Variants in KCNG2 observed in about 807,000 individuals in gnomAD.
The protein encoded by KCNG2 is potassium voltage-gated channel modifier subfamily G member 2.
KCNG2 carries 7 observed loss-of-function variants against 12.3 expected under a neutral mutation model. The observed-to-expected ratio is 0.57, with a 90% CI of 0.32 to 1.07. The LOEUF is 1.07. Among genes scored for constraint, KCNG2 ranks in the 50% least tolerant of loss-of-function variants. The probability of loss-of-function intolerance (pLI) is 0.04; values close to 1 mark genes in which losing one functional copy is unlikely to be tolerated. For missense variants in KCNG2, 703 were observed against 726.0 expected (o/e 0.97, Z 0.36); for synonymous variants, 414 against 351.4 (o/e 1.18, Z -1.99).
chr18:79,844,521 T>A (rs990223755), intron 1 of KCNG2, among the ~76,000 whole-genome samples: 14 of 152,184 alleles, frequency 9.2e-5, no homozygotes, highest in African/African-American at 3.4e-4. Context: ...ATACTTGAAT[T>A]TTTCTAAGAC....
chr18:79,803,686 C>T lies in KCNG2; in HGVS notation c.-115+5672C>T, dbSNP rs1029056068. On this transcript the variant is annotated intron_variant, in intron 1 of 3. Transcript: ENST00000316249. This position sits in a 1 kb window ranked among gnomAD's most constrained non-coding sequence, Gnocchi z 4.5. Reference sequence around the variant, plus strand: ...ACGGAGGAGGCGTTTTCTCCCATCCCGCCCCAGCAGGGAGCCTGCCCTCCT... The same window carrying T: ...ACGGAGGAGGCGTTTTCTCCCATCCTGCCCCAGCAGGGAGCCTGCCCTCCT... 3.9e-5 allele frequency among the ~76,000 whole-genome samples: 6 copies of T among 152,168 alleles called. No homozygotes were observed. The highest frequency in any genetic ancestry group is 2.6e-4 in the Admixed American group (4 of 15,274).
rs774998244 is a variant in KCNG2 at position 79,899,090 on chromosome 18, C to T, written c.675C>T (p.Cys225=). The change falls in exon 4 of 4, where the codon TGC becomes TGT. Residue 225 remains cysteine (C), a synonymous_variant. Coordinates refer to ENST00000316249, the MANE Select transcript of KCNG2 (RefSeq NM_012283.2). Reference sequence around the variant, plus strand: ...GCCTGTTCGTGCTGGAGACCGTGTGCGTGGCCTGGTTCTCCTTCGAGTTCC... The same window carrying T: ...GCCTGTTCGTGCTGGAGACCGTGTGTGTGGCCTGGTTCTCCTTCGAGTTCC... ...CRSLFVLETV[C]VAWFSFEFLL... is the part of the protein sequence containing the mutation. 11 of 1,600,194 alleles carry T rather than the reference C, an allele frequency of 6.9e-6. No individual in the cohort carries two copies. The highest frequency in any genetic ancestry group is 8.5e-6 in the Non-Finnish European group (10 of 1,176,472).
intron 1 of KCNG2, among the ~76,000 whole-genome samples, chr18:79,851,788 T>C (rs1460073368): frequency 6.6e-6 from 1 of 151,896 alleles, no homozygotes; most frequent in Non-Finnish European, 1.5e-5. Context: ...TGTGTGAATG[T>C]GCATTGTGTG....
chr18:79,846,374 CAAA>C (rs11421957), intron 1 of KCNG2, among the ~76,000 whole-genome samples: 1 of 61,598 alleles, frequency 1.6e-5, no homozygotes, highest in East Asian at 5.7e-4. Context: ...GACTCCGTCT[CAAA>C]AAAAAAAAAA....
chr18:79,800,183 G>A lies in KCNG2; in HGVS notation c.-115+2169G>A, dbSNP rs1037059079. On this transcript the variant is annotated intron_variant, in intron 1 of 3. Coordinates refer to ENST00000316249, the MANE Select transcript of KCNG2 (RefSeq NM_012283.2). This position sits in a 1 kb window ranked among gnomAD's most constrained non-coding sequence, Gnocchi z 4.0. Reference sequence around the variant, plus strand: ...TGAAGGGAGCAGATGGGGCTGTGCCGACAGGCATGAGCTCTGGGGGCCGGG... The same window carrying A: ...TGAAGGGAGCAGATGGGGCTGTGCCAACAGGCATGAGCTCTGGGGGCCGGG... Among the ~76,000 whole-genome samples, 11 of 152,070 alleles carry A rather than the reference G, an allele frequency of 7.2e-5. No homozygotes were observed. Among genetic ancestry groups the A allele is most frequent in the South Asian group, 2.1e-4 (1 of 4,806 alleles).
chr18:79,825,622 C>T (rs1485133856), intron 1 of KCNG2, among the ~76,000 whole-genome samples: 3 of 152,156 alleles, frequency 2.0e-5, no homozygotes, highest in South Asian at 2.1e-4. Flanking sequence ...ACTGACGGGG[C>T]GCAAGCTTCA....
intron 3 of KCNG2, among the ~76,000 whole-genome samples, chr18:79,882,063 C>T (rs1201912322): frequency 1.3e-5 from 2 of 151,494 alleles, no homozygotes; most frequent in South Asian, 2.1e-4. Context: ...CAAGGTGGAC[C>T]GTGGCCCTAA....
At chr18:79,849,807 G>C (rs1978753651) in intron 1 of KCNG2, among the ~76,000 whole-genome samples, 1 of 152,224 alleles carries the variant, frequency 6.6e-6, no homozygotes, top group Non-Finnish European at 1.5e-5. Context: ...CAGCCTCTCT[G>C]AGAGCCCCCC....
At position 79,858,763 on chromosome 18, in the gene KCNG2, C is replaced by T. The variant is rs185548072; in HGVS notation, c.-41+2311C>T. ...TTTTTTTCCATTTGTTTGACTATAA[C>T]GACCCTAGTGGATGTGAAGTGGTAT... On this transcript the variant is annotated intron_variant, in intron 2 of 3. Coordinates refer to ENST00000316249, the MANE Select transcript of KCNG2 (RefSeq NM_012283.2). Among the ~76,000 whole-genome samples, 109 of 152,144 alleles carry T rather than the reference C, an allele frequency of 7.2e-4. 1 individual carries two copies. The highest frequency in any genetic ancestry group is 7.7e-4 in the East Asian group (4 of 5,192).
At chr18:79,804,918 A>C (rs2122988192) in intron 1 of KCNG2, among the ~76,000 whole-genome samples, 1 of 152,368 alleles carries the variant, frequency 6.6e-6, no homozygotes, top group East Asian at 1.9e-4. Flanking sequence ...ACATTAGGAT[A>C]GTTTCAATGT....
chr18:79,798,005 T>C lies in KCNG2; in HGVS notation c.-124T>C, dbSNP rs1259456645. ...AGCGGAGCCCGGAGCTCGCGGAGTC[T>C]GGACCGCAGGTAAAGTTGAGCGCGC... is the stretch of plus-strand genomic sequence containing the variant. On this transcript the variant is annotated 5_prime_UTR_variant, in exon 1 of 4. Coordinates refer to ENST00000316249, the MANE Select transcript of KCNG2 (RefSeq NM_012283.2). Among the ~76,000 whole-genome samples the C allele has an allele frequency of 7.3e-6, 1 of 137,556 alleles. No individual in the cohort carries two copies. Among genetic ancestry groups the C allele is most frequent in the Non-Finnish European group, 1.6e-5 (1 of 64,040 alleles). The allele number at this position is 137,556 out of a possible 152,430, so 90.2% of individuals were successfully genotyped here. A position where few individuals can be genotyped will look rare whatever the true frequency, so the allele number is the denominator to read the frequency against.
chr18:79,869,545 C>G (rs1273401063), intron 3 of KCNG2, among the ~76,000 whole-genome samples: 1 of 152,142 alleles, frequency 6.6e-6, no homozygotes, highest in Non-Finnish European at 1.5e-5. Flanking sequence ...TGGACCCGCC[C>G]TGTGCTGTCC....
chr18:79,892,318 T>G (rs1980772572), intron 3 of KCNG2, among the ~76,000 whole-genome samples: 2 of 152,356 alleles, frequency 1.3e-5, no homozygotes, highest in South Asian at 4.1e-4. Context: ...ATATTTTTTG[T>G]TTTAACGTCT....
intron 3 of KCNG2, among the ~76,000 whole-genome samples, chr18:79,877,789 G>T (rs1043894713): frequency 6.6e-6 from 1 of 152,240 alleles, no homozygotes; most frequent in Non-Finnish European, 1.5e-5. Context: ...GGGAATAAAA[G>T]GTTGATGCCA....
At chr18:79,864,785 A>G in intron 3 of KCNG2, among the ~76,000 whole-genome samples, 1 of 146,690 alleles carries the variant, frequency 6.8e-6, no homozygotes, top group African/African-American at 2.7e-5. Flanking sequence ...CTGTGTGCTG[A>G]GAGGTCTGGG....
chr18:79,830,290 T>C (rs1978291917), intron 1 of KCNG2, among the ~76,000 whole-genome samples: 2 of 152,178 alleles, frequency 1.3e-5, no homozygotes, highest in Non-Finnish European at 2.9e-5. Context: ...TGAGAAGTGC[T>C]GGCAGGGTTC....
intron 3 of KCNG2, among the ~76,000 whole-genome samples, chr18:79,883,240 A>C (rs1374080850): frequency 6.6e-6 from 1 of 151,728 alleles, no homozygotes; most frequent in African/African-American, 2.4e-5. Context: ...GTTGGGGGCC[A>C]AGACTGGGTG....
chr18:79,821,342 C>T (rs1191163616), intron 1 of KCNG2, among the ~76,000 whole-genome samples: 1 of 144,064 alleles, frequency 6.9e-6, no homozygotes, highest in Non-Finnish European at 1.5e-5. Flanking sequence ...CAGGCTGGAG[C>T]ACAGTGGCGC....
intron 1 of KCNG2, among the ~76,000 whole-genome samples, chr18:79,799,076 C>T (rs1002853033): frequency 7.2e-5 from 11 of 152,262 alleles, no homozygotes; most frequent in African/African-American, 2.4e-4. Context: ...ATGGGTCCCC[C>T]CTTCTCTGCC....
Sources: allele counts gnomAD v4.1 joint callset (sites outside exome capture counted in the v4.1 genomes callset), GRCh38; gene constraint gnomAD v4.1.1; non-coding constraint Gnocchi (gnomAD v3.1); transcripts MANE v1.5; gene names NCBI Gene and HGNC (gene_info 2026-07-23, HGNC 2026-07-21).